The following PDE4D variants were observed in gnomAD, a reference collection of about 807,000 sequenced individuals.
PDE4D encodes the protein 3',5'-cyclic-AMP phosphodiesterase 4D.
Under a neutral mutation model 87.4 loss-of-function variants are expected in PDE4D, and 24 were observed. That is an observed-to-expected ratio of 0.27 (90% CI 0.20 to 0.39). PDE4D has a LOEUF of 0.39. Ranked by LOEUF, PDE4D falls within the 10% of genes least tolerant of loss-of-function variation. The pLI is 1.00. For missense variants in PDE4D, 714 were observed against 1,041.0 expected (o/e 0.69, Z 4.32); for synonymous variants, 384 against 383.2 (o/e 1.00, Z -0.02).
At chr5:59,246,396 A>C (rs1445948) in intron 1 of PDE4D, among the ~76,000 whole-genome samples, 48,383 of 151,976 alleles carry the variant, frequency 0.32, 8,194 homozygotes, top group Admixed American at 0.41. Context: ...AACCAAAAAA[A>C]CTATGATCAT....
chr5:59,139,048 A>G lies in PDE4D; in HGVS notation c.808+41547T>C, dbSNP rs529051100. 2.0e-4 allele frequency among the ~76,000 whole-genome samples: 30 copies of G among 152,294 alleles called. No homozygotes were observed. The South Asian group carries it at 6.0e-3, about 30-fold the overall frequency. On this transcript the variant is annotated intron_variant, in intron 5 of 14. Transcript: ENST00000340635. ...TACAGGGAGACTGAACAATATACGCAAAAGTTACAGAGGTGTGGGAGAGCT... is the reference window on the plus strand; with the variant it reads ...TACAGGGAGACTGAACAATATACGCGAAAGTTACAGAGGTGTGGGAGAGCT...
intron 1 of PDE4D, chr5:60,429,968 T>G: frequency 1.9e-6 from 1 of 519,002 alleles, no homozygotes; most frequent in South Asian, 1.4e-5. Context: ...GCAACCAAAG[T>G]ATAGAGCTTG....
At chr5:59,217,105 C>T (rs751974155) in intron 1 of PDE4D, 5 of 426,714 alleles carry the variant, frequency 1.2e-5, no homozygotes, top group African/African-American at 8.3e-5. Context: ...CAGTTCTTAA[C>T]GTCATAGTCC....
chr5:59,999,036 C>T (rs1561962595), intron 2 of PDE4D, among the ~76,000 whole-genome samples: 1 of 152,002 alleles, frequency 6.6e-6, no homozygotes, highest in Non-Finnish European at 1.5e-5. Context: ...ATATATGATC[C>T]AAAAAGTTTT....
At chr5:59,546,225 A>C (rs185345868) in intron 1 of PDE4D, among the ~76,000 whole-genome samples, 10 of 152,160 alleles carry the variant, frequency 6.6e-5, no homozygotes, top group African/African-American at 2.4e-4. Context: ...AAATGAGTAC[A>C]AAACAGTTTA....
At chr5:60,378,946 G>T (rs987814167) in intron 1 of PDE4D, among the ~76,000 whole-genome samples, 4 of 152,098 alleles carry the variant, frequency 2.6e-5, no homozygotes, top group African/African-American at 9.7e-5. Context: ...ATGCACAGTG[G>T]TTCCACTTGC....
intron 1 of PDE4D, among the ~76,000 whole-genome samples, chr5:59,259,565 C>G (rs151086006): frequency 1.3e-5 from 2 of 152,088 alleles, no homozygotes; most frequent in African/African-American, 4.8e-5. Context: ...ACATGGCCAT[C>G]TGGCCTACTC....
chr5:60,103,476 G>C (rs796416537), intron 2 of PDE4D, among the ~76,000 whole-genome samples: 8 of 152,294 alleles, frequency 5.3e-5, no homozygotes, highest in African/African-American at 1.9e-4. Context: ...ATGGTAGAAA[G>C]ATGAGATTTA....
chr5:60,118,561 T>A (rs868044740), intron 2 of PDE4D, among the ~76,000 whole-genome samples: 1 of 144,210 alleles, frequency 6.9e-6, no homozygotes, highest in East Asian at 2.0e-4. Flanking sequence ...TGGATGTAGG[T>A]TGTGTGTGTG....
intron 1 of PDE4D, among the ~76,000 whole-genome samples, chr5:60,314,728 C>T (rs945055212): frequency 6.6e-6 from 1 of 151,770 alleles, no homozygotes; most frequent in African/African-American, 2.4e-5. Flanking sequence ...TGAGTGACAA[C>T]ATGCGGTGTT....
intron 5 of PDE4D, among the ~76,000 whole-genome samples, chr5:59,121,940 C>A (rs1774572701): frequency 6.6e-6 from 1 of 151,920 alleles, no homozygotes; most frequent in Non-Finnish European, 1.5e-5. Context: ...TCAGGAGATC[C>A]AGACCAGCCT....
intron 5 of PDE4D, among the ~76,000 whole-genome samples, chr5:59,151,594 A>C (rs2153460329): frequency 6.6e-6 from 1 of 152,250 alleles, no homozygotes; most frequent in South Asian, 2.1e-4. Flanking sequence ...TCCTCTTTAT[A>C]ATCACTGATG....
intron 2 of PDE4D, among the ~76,000 whole-genome samples, chr5:60,148,578 G>A (rs1781222680): frequency 6.6e-6 from 1 of 152,116 alleles, no homozygotes; most frequent in African/African-American, 2.4e-5. Context: ...CTGTACAAAT[G>A]AGTCATTATA....
At chr5:59,186,511 G>C (rs561097543) in intron 3 of PDE4D, among the ~76,000 whole-genome samples, 12 of 152,276 alleles carry the variant, frequency 7.9e-5, no homozygotes, top group Admixed American at 5.9e-4. Flanking sequence ...AGTTTTAATT[G>C]CTTCAAAGTT....
At chr5:59,975,667 A>G (rs1761247702) in intron 3 of PDE4D, among the ~76,000 whole-genome samples, 2 of 152,234 alleles carry the variant, frequency 1.3e-5, no homozygotes, top group Admixed American at 1.3e-4. Flanking sequence ...TGCTTAGCAT[A>G]CTGGAAAATA....
At chr5:59,464,275 G>A (rs151100631) in intron 1 of PDE4D, among the ~76,000 whole-genome samples, 5 of 152,154 alleles carry the variant, frequency 3.3e-5, no homozygotes, top group African/African-American at 1.2e-4. Flanking sequence ...CAAGAGGAAG[G>A]CATCTGTCTC....
intron 2 of PDE4D, among the ~76,000 whole-genome samples, chr5:60,025,387 T>A (rs1766520646): frequency 6.6e-6 from 1 of 152,116 alleles, no homozygotes; most frequent in Non-Finnish European, 1.5e-5. Flanking sequence ...CATCCCAAAG[T>A]TTTGAGCTTC....
At position 59,628,453 on chromosome 5, in the gene PDE4D, T is replaced by C. The variant is rs550969914; in HGVS notation, c.455+264715A>G. ...ACTAATGGATATTTAAATTTAGATTTATTAAAATAAAATTGAAAATTTAGT... is the reference window on the plus strand; with the variant it reads ...ACTAATGGATATTTAAATTTAGATTCATTAAAATAAAATTGAAAATTTAGT... On this transcript the variant is annotated intron_variant, in intron 1 of 14. Transcript: ENST00000340635. Among the ~76,000 whole-genome samples the C allele has an allele frequency of 2.6e-5, 4 of 152,360 alleles. No individual in the cohort carries two copies. In the East Asian group the frequency reaches 7.7e-4, roughly 29 times the overall value.
At chr5:60,450,570 G>A (rs1056282750) in intron 1 of PDE4D, among the ~76,000 whole-genome samples, 9 of 151,938 alleles carry the variant, frequency 5.9e-5, no homozygotes, top group African/African-American at 2.2e-4. Context: ...CAAGGTTAGA[G>A]ACCAAAAAAC....
Sources: gnomAD v4.1 joint callset for allele counts (sites outside exome capture counted in the v4.1 genomes callset) on GRCh38, gnomAD v4.1.1 for gene constraint, MANE v1.5 for transcripts, NCBI Gene and HGNC (gene_info 2026-07-23, HGNC 2026-07-21) for gene names.